Variants in FGGY observed in about 807,000 individuals in gnomAD.
FGGY encodes FGGY carbohydrate kinase domain containing.
In FGGY, 72 loss-of-function variants were observed where a neutral mutation model predicts 71.3. That is an observed-to-expected ratio of 1.01 (90% CI 0.84 to 1.23). FGGY has a LOEUF of 1.23. Among genes scored for constraint, FGGY ranks in the 50% most tolerant of loss-of-function variants. The pLI is 0.00. For missense variants in FGGY, 668 were observed against 682.3 expected, an observed-to-expected ratio of 0.98 and a Z score of 0.23; for synonymous variants, 251 against 250.3, an observed-to-expected ratio of 1.00 and a Z score of -0.02.
intron 14 of FGGY, among the ~76,000 whole-genome samples, chr1:59,675,230 G>A (rs1297172458): frequency 6.6e-6 from 1 of 152,120 alleles, no homozygotes; most frequent in Non-Finnish European, 1.5e-5. Context: ...TCAAGCTTAG[G>A]ACTACAAGCC....
At chr1:59,369,991 C>T (rs1025972512) in intron 4 of FGGY, among the ~76,000 whole-genome samples, 1 of 152,154 alleles carries the variant, frequency 6.6e-6, no homozygotes, top group Admixed American at 6.5e-5. Context: ...ACTGGAAACT[C>T]TAAAAAGCAG....
At chr1:59,486,920 C>A (rs754523296) in intron 6 of FGGY, among the ~76,000 whole-genome samples, 3 of 152,138 alleles carry the variant, frequency 2.0e-5, no homozygotes, top group Non-Finnish European at 4.4e-5. Context: ...TCCGGTATTT[C>A]TTTTTTCCCT....
At chr1:59,488,636 A>C (rs2093729692) in intron 6 of FGGY, among the ~76,000 whole-genome samples, 1 of 150,560 alleles carries the variant, frequency 6.6e-6, no homozygotes, top group African/African-American at 2.4e-5. Flanking sequence ...CACAATTGAA[A>C]TACTTTATAT....
chr1:59,454,896 G>A (rs970017010), intron 5 of FGGY, among the ~76,000 whole-genome samples: 4 of 152,196 alleles, frequency 2.6e-5, no homozygotes, highest in African/African-American at 9.6e-5. Context: ...TATTAAGTGA[G>A]TGAGTGAATG....
intron 8 of FGGY, among the ~76,000 whole-genome samples, chr1:59,584,391 G>C (rs1004715644): frequency 6.7e-6 from 1 of 149,902 alleles, no homozygotes; most frequent in Middle Eastern, 3.4e-3. Context: ...ACATAATCCA[G>C]CATATAAACA....
At chr1:59,346,208 A>G in intron 3 of FGGY, 39 bp from the exon 4 acceptor site, 1 of 1,609,534 alleles carries the variant, frequency 6.2e-7, no homozygotes, top group Non-Finnish European at 8.5e-7. Flanking sequence ...GAAGGAAGAG[A>G]ATGTGTGTCC....
At chr1:59,483,086 G>T (rs1378297415) in intron 6 of FGGY, among the ~76,000 whole-genome samples, 1 of 152,124 alleles carries the variant, frequency 6.6e-6, no homozygotes, top group African/African-American at 2.4e-5. Context: ...AGATCCATTG[G>T]AGTAGATGAT....
intron 6 of FGGY, among the ~76,000 whole-genome samples, chr1:59,472,777 G>C (rs1004887475): frequency 6.6e-6 from 1 of 151,082 alleles, no homozygotes; most frequent in Non-Finnish European, 1.5e-5. Flanking sequence ...TGGGGAGGTG[G>C]AGAACTTTTG....
At chr1:59,537,451 C>G (rs1039167477) in intron 7 of FGGY, among the ~76,000 whole-genome samples, 1 of 152,106 alleles carries the variant, frequency 6.6e-6, no homozygotes, top group African/African-American at 2.4e-5. Flanking sequence ...CAATGCCATC[C>G]CCATCAAGCT....
chr1:59,354,100 G>GAC (rs72500925), intron 4 of FGGY, among the ~76,000 whole-genome samples: 64,707 of 151,502 alleles, frequency 0.43, 14,634 homozygotes, highest in African/African-American at 0.58. Flanking sequence ...TTTTTTTTGA[G>GAC]AGGGTCTTGC....
At chr1:59,742,285 T>TCAG (rs1229406745) in intron 14 of FGGY, among the ~76,000 whole-genome samples, 3 of 152,180 alleles carry the variant, frequency 2.0e-5, no homozygotes, top group Non-Finnish European at 4.4e-5. Flanking sequence ...TCATGCTGCC[T>TCAG]CAGTCATTAG....
chr1:59,469,462 C>T (rs2092826347), intron 6 of FGGY, among the ~76,000 whole-genome samples: 1 of 152,200 alleles, frequency 6.6e-6, no homozygotes, highest in African/African-American at 2.4e-5. Context: ...AAGACAATGG[C>T]ATTAATCCAT....
chr1:59,384,800 G>C (rs993945600), intron 5 of FGGY, among the ~76,000 whole-genome samples: 6 of 151,518 alleles, frequency 4.0e-5, no homozygotes, highest in Non-Finnish European at 3.0e-5. Context: ...CACAATAAAG[G>C]GTTCTTTTAA....
chr1:59,548,641 G>A (rs1038078396), intron 7 of FGGY, among the ~76,000 whole-genome samples: 10 of 152,114 alleles, frequency 6.6e-5, no homozygotes, highest in Admixed American at 3.3e-4. Flanking sequence ...AACCTGTACC[G>A]TTCAATATAA....
intron 6 of FGGY, among the ~76,000 whole-genome samples, chr1:59,475,707 C>T (rs1443365164): frequency 1.3e-5 from 2 of 152,174 alleles, no homozygotes; most frequent in African/African-American, 4.8e-5. Context: ...CCAAAGTGGA[C>T]CCGGAATGAG....
In FGGY at chr1:59,345,000, C is replaced by T. The variant is rs140138020; in HGVS notation, c.314-1247C>T. Among the ~76,000 whole-genome samples the T allele has an allele frequency of 8.0e-4, 122 of 152,212 alleles. No homozygotes were observed. In the Middle Eastern group the frequency reaches 0.017, roughly 21 times the overall value. On this transcript the variant is annotated intron_variant, in intron 3 of 15. Coordinates refer to ENST00000303721, the MANE Select transcript of FGGY (RefSeq NM_018291.5). ...TGATTTATCTGTTCTCTATGCAGAT[C>T]TAGTTCCAAAATACACTTTGTGCAT...
At chr1:59,303,109 A>T (rs1290113522) in intron 1 of FGGY, among the ~76,000 whole-genome samples, 2 of 152,194 alleles carry the variant, frequency 1.3e-5, no homozygotes, top group Non-Finnish European at 2.9e-5. Flanking sequence ...CCATCACCTC[A>T]TGTACTCTTT....
intron 6 of FGGY, among the ~76,000 whole-genome samples, chr1:59,505,156 C>T (rs1030990046): frequency 3.3e-5 from 5 of 152,144 alleles, no homozygotes; most frequent in Admixed American, 3.3e-4. Context: ...TTATATAAAA[C>T]TCAGTCCAAA....
At chr1:59,480,498 G>A (rs1453281710) in intron 6 of FGGY, among the ~76,000 whole-genome samples, 3 of 152,270 alleles carry the variant, frequency 2.0e-5, no homozygotes, top group East Asian at 1.9e-4. Context: ...CATGTCAATG[G>A]CCAGAACCGT....
Sources: gnomAD v4.1 joint callset for allele counts (sites outside exome capture counted in the v4.1 genomes callset) on GRCh38, gnomAD v4.1.1 for gene constraint, MANE v1.5 for transcripts, NCBI Gene and HGNC (gene_info 2026-07-23, HGNC 2026-07-21) for gene names.